Variants in TIAM1 observed in about 807,000 individuals in gnomAD.
TIAM1 encodes the protein TIAM Rac1 associated GEF 1.
In TIAM1, 65 loss-of-function variants were observed where a neutral mutation model predicts 163.5. The observed-to-expected ratio is 0.40, with a 90% CI of 0.33 to 0.49. The LOEUF (loss-of-function observed/expected upper bound fraction) is 0.49, where lower values mean the gene tolerates loss of function less well. Ranked by LOEUF, TIAM1 falls within the 20% of genes least tolerant of loss-of-function variation. The pLI is 0.77. For synonymous variants in TIAM1, 833 were observed against 810.1 expected (o/e 1.03, Z -0.48); for missense variants, 1,789 against 2,044.7 (o/e 0.87, Z 2.41).
At chr21:31,129,740 T>C (rs2082336979) in intron 25 of TIAM1, among the ~76,000 whole-genome samples, 1 of 152,202 alleles carries the variant, frequency 6.6e-6, no homozygotes, top group Non-Finnish European at 1.5e-5. Context: ...AAGATAAAGA[T>C]TTGTAATACT....
chr21:31,309,198 C>G (rs1480308726), intron 2 of TIAM1, among the ~76,000 whole-genome samples: 3 of 152,192 alleles, frequency 2.0e-5, no homozygotes, highest in Admixed American at 2.0e-4. Flanking sequence ...GTGGCACAAC[C>G]TGTAATCCCA....
intron 2 of TIAM1, among the ~76,000 whole-genome samples, chr21:31,299,795 G>A (rs931499906): frequency 4.6e-5 from 7 of 152,080 alleles, no homozygotes; most frequent in Middle Eastern, 6.3e-3. Context: ...ACCAAGCCTC[G>A]GTTTCCTCAC....
chr21:31,392,704 G>T (rs1046266433), intron 2 of TIAM1, among the ~76,000 whole-genome samples: 1 of 151,886 alleles, frequency 6.6e-6, no homozygotes, highest in Non-Finnish European at 1.5e-5. Context: ...GAGGTGTTCT[G>T]GTCAAGGCAA....
At chr21:31,301,694 G>T (rs2074507818) in intron 2 of TIAM1, among the ~76,000 whole-genome samples, 1 of 151,836 alleles carries the variant, frequency 6.6e-6, no homozygotes, top group African/African-American at 2.4e-5. Context: ...ATAAAAATTA[G>T]CTGGGCATGG....
At chr21:31,399,758 C>T (rs781464096) in intron 2 of TIAM1, among the ~76,000 whole-genome samples, 14 of 152,084 alleles carry the variant, frequency 9.2e-5, no homozygotes, top group Non-Finnish European at 1.8e-4. Context: ...TTGATACAAG[C>T]GAAATGAGTG....
At position 31,305,422 on chromosome 21, in the gene TIAM1, T is replaced by TAA. The variant is rs35619472; in HGVS notation, c.-188-28516_-188-28515dup. On this transcript the variant is annotated intron_variant, in intron 2 of 27. Transcript: ENST00000541036. ...ATGGGCATTAACTCTGAAATAAAAA[T>TAA]AAAAAAAAAAAAAAAACAGTTCTTA... is the stretch of plus-strand genomic sequence containing the variant. Among the ~76,000 whole-genome samples the TAA allele has an allele frequency of 3.5e-3, 463 of 132,844 alleles. 3 individuals are homozygous for TAA. Among genetic ancestry groups the TAA allele is most frequent in the African/African-American group, 0.012 (436 of 36,944 alleles). The allele number at this position is 132,844 out of a possible 152,430, so 87.2% of individuals were successfully genotyped here.
rs761126893 is a variant in TIAM1, at chr21:31,153,166, T to C, written c.3172-32A>G. On this transcript the variant is annotated intron_variant, in intron 17 of 27. Transcript: ENST00000541036. ...ATTGAAAAGAGAACTCATTAGCTTA[T>C]GTGTTTTATTTTTTATATACCCTAG... 2.2e-5 allele frequency: 35 copies of C among 1,565,690 alleles called. 1 individual carries two copies. Among genetic ancestry groups the C allele is most frequent in the Admixed American group, 2.2e-4 (12 of 55,186 alleles).
intron 1 of TIAM1, among the ~76,000 whole-genome samples, chr21:31,543,806 T>C (rs2048397776): frequency 6.6e-6 from 1 of 152,204 alleles, no homozygotes; most frequent in African/African-American, 2.4e-5. Context: ...GGGCTAGCCA[T>C]AGCCACCGAA....
At chr21:31,509,348 G>A (rs1206326653) in intron 1 of TIAM1, among the ~76,000 whole-genome samples, 6 of 152,236 alleles carry the variant, frequency 3.9e-5, no homozygotes, top group South Asian at 4.1e-4. Context: ...GACATCCCCC[G>A]GCAGAGGTGC....
At chr21:31,317,656 T>C (rs1054845955) in intron 2 of TIAM1, among the ~76,000 whole-genome samples, 7 of 152,072 alleles carry the variant, frequency 4.6e-5, no homozygotes, top group African/African-American at 7.2e-5. Flanking sequence ...AGCACGCACT[T>C]ATAGTCCCAG....
upstream of TIAM1, among the ~76,000 whole-genome samples, chr21:31,347,256 A>G (rs141585594): frequency 4.6e-5 from 7 of 152,272 alleles, no homozygotes; most frequent in African/African-American, 1.7e-4. Flanking sequence ...ATCTGAACAG[A>G]ACGGCTTACC....
chr21:31,370,325 G>A (rs2076574740), intron 2 of TIAM1, among the ~76,000 whole-genome samples: 1 of 152,154 alleles, frequency 6.6e-6, no homozygotes. Context: ...AGATACACAG[G>A]CAATATGGCT....
chr21:31,170,739 T>C (rs1488446618), intron 15 of TIAM1, among the ~76,000 whole-genome samples: 1 of 151,910 alleles, frequency 6.6e-6, no homozygotes, highest in Non-Finnish European at 1.5e-5. Context: ...CAAATCATCA[T>C]AAATTGGGGA....
chr21:31,197,327 T>C (rs917614862), intron 12 of TIAM1, among the ~76,000 whole-genome samples: 2 of 152,056 alleles, frequency 1.3e-5, no homozygotes, highest in Non-Finnish European at 2.9e-5. Flanking sequence ...TGATGCAGAG[T>C]TCACACATCA....
chr21:31,438,352 C>T (rs2044293831), intron 2 of TIAM1, among the ~76,000 whole-genome samples: 2 of 151,782 alleles, frequency 1.3e-5, no homozygotes, highest in Non-Finnish European at 2.9e-5. Context: ...CCACCATGCC[C>T]AGCTAATTTT....
At chr21:31,434,358 C>T (rs538937795) in intron 2 of TIAM1, among the ~76,000 whole-genome samples, 310 of 152,222 alleles carry the variant, frequency 2.0e-3, no homozygotes, top group Non-Finnish European at 3.6e-3. Context: ...CCCAGTGTCC[C>T]GGCTGCTAGG....
At chr21:31,484,698 C>T (rs2046217441) in intron 1 of TIAM1, among the ~76,000 whole-genome samples, 1 of 152,296 alleles carries the variant, frequency 6.6e-6, no homozygotes, top group African/African-American at 2.4e-5. Flanking sequence ...GCCTGAGAGA[C>T]TTTCTAGGAC....
chr21:31,535,030 C>A (rs1351842348), intron 1 of TIAM1, among the ~76,000 whole-genome samples: 3 of 151,830 alleles, frequency 2.0e-5, no homozygotes, highest in Non-Finnish European at 2.9e-5. Context: ...GTCAAAGCTG[C>A]AGTGAGCCAT....
chr21:31,396,992 T>C (rs2077084450), intron 2 of TIAM1, among the ~76,000 whole-genome samples: 1 of 152,112 alleles, frequency 6.6e-6, no homozygotes, highest in Admixed American at 6.6e-5. Flanking sequence ...CCTTCCACTT[T>C]TCTAATAGTG....
Sources: gnomAD v4.1 joint callset for allele counts (sites outside exome capture counted in the v4.1 genomes callset) on GRCh38, gnomAD v4.1.1 for gene constraint, MANE v1.5 for transcripts, NCBI Gene and HGNC (gene_info 2026-07-23, HGNC 2026-07-21) for gene names.